EYS: variants seen among roughly 807,000 people sequenced by gnomAD.
EYS encodes protein eyes shut homolog.
A neutral mutation model predicts 282.1 loss-of-function variants in EYS; 250 were observed. The ratio of observed to expected loss-of-function variants is 0.89; its 90% CI spans 0.80 to 0.98. EYS has a LOEUF of 0.98. EYS is among the 50% of genes least tolerant of loss of function. The pLI is 0.00. For synonymous variants in EYS, 1,355 were observed against 1,282.9 expected, an observed-to-expected ratio of 1.06 and a Z score of -1.20; for missense variants, 4,016 against 3,709.0, an observed-to-expected ratio of 1.08 and a Z score of -2.15.
At chr6:64,018,125 T>C (rs1768984887) in intron 33 of EYS, among the ~76,000 whole-genome samples, 1 of 152,082 alleles carries the variant, frequency 6.6e-6, no homozygotes, top group East Asian at 1.9e-4. Context: ...CACACACACA[T>C]ACACATATAT....
At chr6:64,900,157 T>G (rs1242499167) in intron 18 of EYS, among the ~76,000 whole-genome samples, 1 of 152,042 alleles carries the variant, frequency 6.6e-6, no homozygotes, top group Non-Finnish European at 1.5e-5. Context: ...ATAAATAGTG[T>G]TGGGAAAACT....
intron 31 of EYS, among the ~76,000 whole-genome samples, chr6:64,200,090 C>T (rs1765416202): frequency 6.6e-6 from 1 of 152,100 alleles, no homozygotes; most frequent in Non-Finnish European, 1.5e-5. Context: ...AGGCTATAAA[C>T]TATATAATCC....
chr6:64,978,656 T>C (rs545263086), intron 14 of EYS, among the ~76,000 whole-genome samples: 2 of 152,070 alleles, frequency 1.3e-5, no homozygotes, highest in East Asian at 3.9e-4. Context: ...AAAATCCTTC[T>C]GGAAAAGATT....
At chr6:65,454,334 T>A (rs12201918) in intron 5 of EYS, among the ~76,000 whole-genome samples, 33,529 of 151,512 alleles carry the variant, frequency 0.22, 4,031 homozygotes, top group Middle Eastern at 0.32. Context: ...TATATTAAGT[T>A]TTTTTGCCCA....
At chr6:64,599,199 A>G (rs1182990347) in intron 24 of EYS, among the ~76,000 whole-genome samples, 2 of 152,218 alleles carry the variant, frequency 1.3e-5, no homozygotes, top group African/African-American at 2.4e-5. Context: ...TATTGATATC[A>G]TAAAAAGCTT....
intron 13 of EYS, among the ~76,000 whole-genome samples, chr6:65,046,359 A>T (rs1773100274): frequency 6.6e-6 from 1 of 151,918 alleles, no homozygotes; most frequent in Admixed American, 6.6e-5. Context: ...TCAAGTAGCA[A>T]ATCATGAGAG....
chr6:64,802,297 C>A (rs533149959), intron 22 of EYS, among the ~76,000 whole-genome samples: 1 of 151,832 alleles, frequency 6.6e-6, no homozygotes, highest in South Asian at 2.1e-4. Context: ...ATGATCCATC[C>A]GCCTCGGCTT....
chr6:64,133,316 C>A (rs957738103), intron 31 of EYS, among the ~76,000 whole-genome samples: 1 of 151,980 alleles, frequency 6.6e-6, no homozygotes, highest in Non-Finnish European at 1.5e-5. Flanking sequence ...GAAAGGTAGA[C>A]GTTCCCATAT....
intron 28 of EYS, among the ~76,000 whole-genome samples, chr6:64,410,578 A>T (rs148224567): frequency 1.3e-5 from 2 of 152,274 alleles, no homozygotes; most frequent in South Asian, 4.1e-4. Context: ...ATGCCATTCT[A>T]TCTTTCTTTC....
intron 29 of EYS, among the ~76,000 whole-genome samples, chr6:64,311,256 TTAAAAG>T (rs1348042254): frequency 1.3e-5 from 2 of 152,148 alleles, no homozygotes; most frequent in African/African-American, 4.8e-5. Flanking sequence ...GACAGGAGTC[TTAAAAG>T]TAATAGAAGG....
At position 65,475,881 on chromosome 6, in the gene EYS, G is replaced by A. The variant is rs1582346479; in HGVS notation, c.862+14713C>T. ...TTCCATTTTTAAAATCTTAGACTCAGAAAATAATAAATAAGGAATATTACA... is the reference window on the plus strand; with the variant it reads ...TTCCATTTTTAAAATCTTAGACTCAAAAAATAATAAATAAGGAATATTACA... On this transcript the variant is annotated intron_variant, in intron 5 of 42. Transcript: ENST00000503581. Among the ~76,000 whole-genome samples, 4 of 151,854 alleles carry A rather than the reference G, an allele frequency of 2.6e-5. No homozygotes were observed. In the East Asian group the frequency reaches 7.7e-4, roughly 29 times the overall value.
chr6:63,941,138 A>G (rs1344179537), intron 35 of EYS, among the ~76,000 whole-genome samples: 1 of 152,150 alleles, frequency 6.6e-6, no homozygotes, highest in Non-Finnish European at 1.5e-5. Flanking sequence ...GTGCCGCAAT[A>G]AACATACGTG....
intron 26 of EYS, among the ~76,000 whole-genome samples, chr6:64,488,782 A>C (rs1290359259): frequency 6.6e-6 from 1 of 151,054 alleles, no homozygotes; most frequent in Non-Finnish European, 1.5e-5. Context: ...CATCGTATCC[A>C]TGGAAAAGTA....
chr6:64,156,898 T>G (rs1292324588), intron 31 of EYS, among the ~76,000 whole-genome samples: 1 of 151,986 alleles, frequency 6.6e-6, no homozygotes, highest in Non-Finnish European at 1.5e-5. Flanking sequence ...ATTAATTTAT[T>G]TTTTTATTAT....
At chr6:65,469,592 G>A (rs146651014) in intron 5 of EYS, among the ~76,000 whole-genome samples, 1 of 151,418 alleles carries the variant, frequency 6.6e-6, no homozygotes, top group African/African-American at 2.4e-5. Context: ...ATCAAATTTT[G>A]TTTTTCTTTT....
At position 65,334,975 on chromosome 6, in the gene EYS, A is replaced by C. The variant is rs1183408358; in HGVS notation, c.1766+5T>G. On this transcript the variant is annotated splice_donor_5th_base_variant and intron_variant, in intron 11 of 42. Transcript: ENST00000503581. ...ATATTATCTGCTCAAATGATACATA[A>C]ATACCTGGGTCTATTAATTTCATCT... The C allele has an allele frequency of 1.9e-6, 3 of 1,604,674 alleles. No homozygotes were observed. Among genetic ancestry groups the C allele is most frequent in the Admixed American group, 1.7e-5 (1 of 59,698 alleles).
At chr6:64,547,777 C>A (rs759768355) in intron 26 of EYS, among the ~76,000 whole-genome samples, 1 of 152,138 alleles carries the variant, frequency 6.6e-6, no homozygotes. Context: ...GAGCAGGGGG[C>A]GGCGTTGGTC....
chr6:63,774,760 TTAAA>T (rs1267379194), intron 40 of EYS, among the ~76,000 whole-genome samples: 4 of 152,102 alleles, frequency 2.6e-5, no homozygotes, highest in South Asian at 2.1e-4. Flanking sequence ...AAAGTACCAC[TTAAA>T]TAAAACTTGC....
At chr6:64,147,715 T>C (rs1265375627) in intron 31 of EYS, among the ~76,000 whole-genome samples, 1 of 152,224 alleles carries the variant, frequency 6.6e-6, no homozygotes, top group Non-Finnish European at 1.5e-5. Flanking sequence ...CAATGATGAA[T>C]GCCACTTCTG....
Sources: gnomAD v4.1 joint callset for allele counts (sites outside exome capture counted in the v4.1 genomes callset) on GRCh38, gnomAD v4.1.1 for gene constraint, MANE v1.5 for transcripts, NCBI Gene and HGNC (gene_info 2026-07-23, HGNC 2026-07-21) for gene names.